BCAS3: variants seen among roughly 807,000 people sequenced by gnomAD.
BCAS3 encodes the protein BCAS4/BCAS3 fusion.
Under a neutral mutation model 116.1 loss-of-function variants are expected in BCAS3, and 53 were observed. The ratio of observed to expected loss-of-function variants is 0.46; its 90% CI spans 0.37 to 0.57. The LOEUF (loss-of-function observed/expected upper bound fraction) is 0.57. BCAS3 is among the 20% of genes least tolerant of loss of function. The pLI is 0.00. For missense variants in BCAS3, 917 were observed against 1,165.4 expected (o/e 0.79, Z 3.10); for synonymous variants, 391 against 408.2 (o/e 0.96, Z 0.51).
chr17:61,388,619 GAAA>G lies in BCAS3; in HGVS notation c.2594-3351_2594-3349del. ...CCTCAATGCTTTTCTTTTCAAAAGGGAAAAAAAAAGGAAAAAAAAAACAATGCC... is the reference window on the plus strand; with the variant it reads ...CCTCAATGCTTTTCTTTTCAAAAGGGAAAAAAGGAAAAAAAAAACAATGCC... On this transcript the variant is annotated intron_variant, in intron 23 of 23. Transcript: ENST00000407086. The surrounding 1 kb of genome is among the most constrained non-coding windows in gnomAD (Gnocchi z 6.5). 6.6e-7 allele frequency: 1 copy of G among 1,507,774 alleles called. No individual in the cohort carries two copies. The highest frequency in any genetic ancestry group is 1.2e-5 in the South Asian group (1 of 81,364). The allele number at this position is 1,507,774 out of a possible 1,614,324, so 93.4% of individuals were successfully genotyped here. A position where few individuals can be genotyped will look rare whatever the true frequency, so the allele number is the denominator to read the frequency against.
chr17:60,993,724 T>A lies in BCAS3; in HGVS notation c.1486+3489T>A, dbSNP rs555905328. ...CCATTGAACAGGGAGGGATTCATCTTGAAAATGAATCATGTTTTGGCGGTA... is the reference window on the plus strand; with the variant it reads ...CCATTGAACAGGGAGGGATTCATCTAGAAAATGAATCATGTTTTGGCGGTA... On this transcript the variant is annotated intron_variant, in intron 15 of 23. Coordinates refer to ENST00000407086, the MANE Select transcript of BCAS3 (RefSeq NM_017679.5). The surrounding 1 kb of genome is among the most constrained non-coding windows in gnomAD (Gnocchi z 4.2). 1.1e-3 allele frequency among the ~76,000 whole-genome samples: 167 copies of A among 152,288 alleles called. 1 individual carries two copies. The highest frequency in any genetic ancestry group is 3.8e-3 in the African/African-American group (156 of 41,582).
intron 22 of BCAS3, among the ~76,000 whole-genome samples, chr17:61,101,004 T>A (rs375511541): frequency 6.6e-6 from 1 of 152,158 alleles, no homozygotes; most frequent in East Asian, 1.9e-4. Flanking sequence ...TTGAACAGCA[T>A]CTCAGCCAAC....
At chr17:61,351,712 G>A (rs7214554) in intron 22 of BCAS3, among the ~76,000 whole-genome samples, 4 of 152,208 alleles carry the variant, frequency 2.6e-5, no homozygotes, top group South Asian at 4.2e-4. Flanking sequence ...TCCCCCTTCC[G>A]CATCTCAGAA....
chr17:61,190,117 T>C (rs1387102668), intron 22 of BCAS3, among the ~76,000 whole-genome samples: 5 of 152,124 alleles, frequency 3.3e-5, no homozygotes, highest in Admixed American at 6.6e-5. Flanking sequence ...TTCTCAATGA[T>C]GAGGACAGAA....
chr17:60,892,018 A>G (rs2057186550), intron 10 of BCAS3, among the ~76,000 whole-genome samples: 1 of 152,230 alleles, frequency 6.6e-6, no homozygotes, highest in African/African-American at 2.4e-5. Context: ...CATGGTGTGT[A>G]TAACCATATT....
intron 5 of BCAS3, among the ~76,000 whole-genome samples, chr17:60,744,467 C>T (rs529429548): frequency 2.1e-4 from 32 of 152,230 alleles, no homozygotes; most frequent in African/African-American, 6.7e-4. Context: ...CTTTCTAAAA[C>T]GTATGGATCA....
At chr17:61,293,028 A>G (rs1378286191) in intron 22 of BCAS3, among the ~76,000 whole-genome samples, 1 of 152,208 alleles carries the variant, frequency 6.6e-6, no homozygotes, top group Non-Finnish European at 1.5e-5. Flanking sequence ...ATCATTTGAC[A>G]TATGTATAAA....
chr17:60,843,590 T>C (rs973530831), intron 7 of BCAS3, among the ~76,000 whole-genome samples: 12 of 152,170 alleles, frequency 7.9e-5, no homozygotes, highest in African/African-American at 2.9e-4. Flanking sequence ...CTTGTTCCTC[T>C]CCCTACACTC....
intron 5 of BCAS3, among the ~76,000 whole-genome samples, chr17:60,718,906 A>C (rs1015079999): frequency 6.6e-6 from 1 of 152,100 alleles, no homozygotes; most frequent in South Asian, 2.1e-4. Flanking sequence ...CTAAAAATAC[A>C]AAAAAATTAG....
chr17:61,170,849 A>G (rs1220082547), intron 22 of BCAS3, among the ~76,000 whole-genome samples: 1 of 151,834 alleles, frequency 6.6e-6, no homozygotes, highest in Admixed American at 6.6e-5. Context: ...ACGGAGAGAG[A>G]ACATTCTAGA....
intron 14 of BCAS3, among the ~76,000 whole-genome samples, chr17:60,974,646 A>C (rs1436118779): frequency 6.6e-6 from 1 of 152,198 alleles, no homozygotes; most frequent in South Asian, 2.1e-4. Context: ...TATCATTATA[A>C]TGAGAAATGT....
intron 14 of BCAS3, among the ~76,000 whole-genome samples, chr17:60,953,646 CTG>C (rs1238885090): frequency 2.0e-5 from 3 of 151,658 alleles, no homozygotes; most frequent in African/African-American, 7.3e-5. Context: ...TTGCCAGTTC[CTG>C]TGTCCAGAAT....
At position 61,028,359 on chromosome 17, in the gene BCAS3, G is replaced by T. The variant is rs966934523; in HGVS notation, c.1638-6307G>T. Among the ~76,000 whole-genome samples the T allele has an allele frequency of 6.6e-6, 1 of 151,788 alleles. No homozygotes were observed. The highest frequency in any genetic ancestry group is 2.4e-5 in the African/African-American group (1 of 41,390). On this transcript the variant is annotated intron_variant, in intron 16 of 23. Coordinates refer to ENST00000407086, the MANE Select transcript of BCAS3 (RefSeq NM_017679.5). The surrounding 1 kb of genome is among the most constrained non-coding windows in gnomAD (Gnocchi z 4.3). ...CAAGAATATAAATCTCATGAAAGTTGATCTTTATTCATTTTGTTAACCAGA... is the reference window on the plus strand; with the variant it reads ...CAAGAATATAAATCTCATGAAAGTTTATCTTTATTCATTTTGTTAACCAGA...
At chr17:61,116,081 G>A (rs921272359) in intron 22 of BCAS3, among the ~76,000 whole-genome samples, 330 of 145,610 alleles carry the variant, frequency 2.3e-3, no homozygotes, top group African/African-American at 8.0e-3. Flanking sequence ...TCACACTCTG[G>A]GGACTGTGGT....
chr17:61,362,493 T>C lies in BCAS3; in HGVS notation c.2426-5834T>C, dbSNP rs1303989307. Among the ~76,000 whole-genome samples the C allele has an allele frequency of 6.6e-6, 1 of 152,192 alleles. No homozygotes were observed. The highest frequency in any genetic ancestry group is 1.5e-5 in the Non-Finnish European group (1 of 68,036). ...AGAGTGTGATTAGACACTATCAGCT[T>C]AGAGGAGCATCCTACCTGTCCCCCT... On this transcript the variant is annotated intron_variant, in intron 22 of 23. Transcript: ENST00000407086. This position sits in a 1 kb window ranked among gnomAD's most constrained non-coding sequence, Gnocchi z 4.4.
intron 6 of BCAS3, among the ~76,000 whole-genome samples, chr17:60,771,046 G>A (rs1200262039): frequency 6.6e-6 from 1 of 151,748 alleles, no homozygotes; most frequent in Admixed American, 6.6e-5. Flanking sequence ...GACTTCAGGT[G>A]ATCTGCCTGC....
At chr17:60,811,764 A>G (rs1443290981) in intron 7 of BCAS3, among the ~76,000 whole-genome samples, 4 of 152,230 alleles carry the variant, frequency 2.6e-5, no homozygotes, top group African/African-American at 9.6e-5. Context: ...AAAGTGAAAT[A>G]GGCCTGGATG....
intron 5 of BCAS3, among the ~76,000 whole-genome samples, chr17:60,739,618 C>T (rs1483566154): frequency 6.6e-6 from 1 of 150,648 alleles, no homozygotes; most frequent in Non-Finnish European, 1.5e-5. Flanking sequence ...AAAACTCTGT[C>T]TGAAAAAAAA....
chr17:60,855,454 T>A (rs1171218291), intron 7 of BCAS3, among the ~76,000 whole-genome samples: 1 of 142,230 alleles, frequency 7.0e-6, no homozygotes, highest in Non-Finnish European at 1.5e-5. Context: ...ATTTTTAAAT[T>A]TTTTTTTTTT....
Sources: allele counts gnomAD v4.1 joint callset (sites outside exome capture counted in the v4.1 genomes callset), GRCh38; gene constraint gnomAD v4.1.1; non-coding constraint Gnocchi (gnomAD v3.1); transcripts MANE v1.5; gene names NCBI Gene and HGNC (gene_info 2026-07-23, HGNC 2026-07-21).